Variants in PTPRD observed in about 807,000 individuals in gnomAD.
PTPRD encodes the protein protein tyrosine phosphatase receptor type D.
In PTPRD, 34 loss-of-function variants were observed where a neutral mutation model predicts 214.5. The observed-to-expected ratio is 0.16, with a 90% CI of 0.12 to 0.21. The LOEUF (loss-of-function observed/expected upper bound fraction) is 0.21. Among genes scored for constraint, PTPRD ranks in the 10% least tolerant of loss-of-function variants. The pLI is 1.00. For missense variants in PTPRD, 2,545 were observed against 2,398.7 expected, an observed-to-expected ratio of 1.06 and a Z score of -1.27; for synonymous variants, 1,128 against 845.7, an observed-to-expected ratio of 1.33 and a Z score of -5.79.
intron 8 of PTPRD, among the ~76,000 whole-genome samples, chr9:9,552,590 T>A (rs1241797193): frequency 6.6e-6 from 1 of 152,072 alleles, no homozygotes; most frequent in Admixed American, 6.6e-5. Context: ...TATAGCAAAC[T>A]TCTTCTGTCT....
chr9:9,607,947 G>A (rs961728398), intron 7 of PTPRD, among the ~76,000 whole-genome samples: 2 of 152,082 alleles, frequency 1.3e-5, no homozygotes, highest in African/African-American at 4.8e-5. Context: ...TTCGGATAAA[G>A]GGCAGCTTGG....
intron 8 of PTPRD, among the ~76,000 whole-genome samples, chr9:9,453,578 C>A (rs2092568230): frequency 1.3e-5 from 2 of 151,402 alleles, no homozygotes; most frequent in Admixed American, 1.3e-4. Context: ...TTGGTAATTA[C>A]CAACATGAAA....
At chr9:9,637,316 G>A (rs959183938) in intron 7 of PTPRD, among the ~76,000 whole-genome samples, 9 of 152,104 alleles carry the variant, frequency 5.9e-5, no homozygotes, top group Admixed American at 1.3e-4. Flanking sequence ...GGTGAGATTC[G>A]TATCGGGGCA....
At chr9:9,865,502 C>T (rs1369886640) in intron 5 of PTPRD, among the ~76,000 whole-genome samples, 2 of 152,124 alleles carry the variant, frequency 1.3e-5, no homozygotes, top group South Asian at 2.1e-4. Context: ...ACCACAGTGT[C>T]CCCACAAGCA....
intron 43 of PTPRD, among the ~76,000 whole-genome samples, chr9:8,332,979 C>A (rs763785942): frequency 2.0e-5 from 3 of 152,138 alleles, no homozygotes; most frequent in Non-Finnish European, 2.9e-5. Context: ...GGGACTCAAT[C>A]CTTTATCATT....
At chr9:8,605,870 C>G (rs1206859083) in intron 14 of PTPRD, among the ~76,000 whole-genome samples, 2 of 152,136 alleles carry the variant, frequency 1.3e-5, no homozygotes, top group Admixed American at 6.5e-5. Flanking sequence ...AGCCACCTCT[C>G]TGATACGATT....
At chr9:9,165,649 A>C (rs1219730075) in intron 10 of PTPRD, among the ~76,000 whole-genome samples, 1 of 152,206 alleles carries the variant, frequency 6.6e-6, no homozygotes, top group African/African-American at 2.4e-5. Flanking sequence ...AAGGATGTCA[A>C]CTATGACTCT....
intron 10 of PTPRD, among the ~76,000 whole-genome samples, chr9:9,181,407 A>T (rs2099928118): frequency 6.6e-6 from 1 of 151,850 alleles, no homozygotes; most frequent in South Asian, 2.1e-4. Flanking sequence ...GAACTGCTAA[A>T]ATATGCTGCC....
At chr9:8,373,854 G>C (rs199627123) in intron 39 of PTPRD, among the ~76,000 whole-genome samples, 24,427 of 128,810 alleles carry the variant, frequency 0.19, 4,233 homozygotes, top group African/African-American at 0.5. Flanking sequence ...GTATGTGTAT[G>C]TGTCTGTCTG....
At chr9:9,037,994 A>G in intron 10 of PTPRD, among the ~76,000 whole-genome samples, 1 of 152,188 alleles carries the variant, frequency 6.6e-6, no homozygotes, top group East Asian at 1.9e-4. Flanking sequence ...AATGAGAATA[A>G]CTTCACAGAG....
intron 5 of PTPRD, among the ~76,000 whole-genome samples, chr9:9,916,645 A>C (rs1251948953): frequency 6.6e-6 from 1 of 152,060 alleles, no homozygotes; most frequent in African/African-American, 2.4e-5. Flanking sequence ...GTGCAAACAG[A>C]AACCAAAAGC....
intron 39 of PTPRD, among the ~76,000 whole-genome samples, chr9:8,351,831 C>T (rs917604482): frequency 6.9e-6 from 1 of 144,012 alleles, no homozygotes; most frequent in Non-Finnish European, 1.5e-5. Flanking sequence ...AAATGTAGTA[C>T]ACTTGAGTGG....
chr9:9,731,465 T>G (rs984370813), intron 7 of PTPRD, among the ~76,000 whole-genome samples: 10 of 152,214 alleles, frequency 6.6e-5, no homozygotes, highest in Admixed American at 5.9e-4. Context: ...ATTTAAGGTT[T>G]TTTTTTAATT....
chr9:10,012,148 A>G (rs2096613478), intron 4 of PTPRD, among the ~76,000 whole-genome samples: 1 of 151,972 alleles, frequency 6.6e-6, no homozygotes, highest in Non-Finnish European at 1.5e-5. Flanking sequence ...GTTGTTTAAC[A>G]TTGTAAGACG....
chr9:10,312,206 C>T (rs1293291710), intron 3 of PTPRD, among the ~76,000 whole-genome samples: 1 of 151,964 alleles, frequency 6.6e-6, no homozygotes, highest in Non-Finnish European at 1.5e-5. Context: ...ACTGATTTTT[C>T]ATTACATACT....
At chr9:9,923,254 T>TTC (rs532465014) in intron 5 of PTPRD, among the ~76,000 whole-genome samples, 4,577 of 150,892 alleles carry the variant, frequency 0.03, 261 homozygotes, top group African/African-American at 0.11. Context: ...TGTTAGTTTT[T>TTC]TTTTTCAAAT....
intron 2 of PTPRD, among the ~76,000 whole-genome samples, chr9:10,368,164 T>C (rs1279854956): frequency 6.6e-6 from 1 of 152,122 alleles, no homozygotes; most frequent in Non-Finnish European, 1.5e-5. Context: ...CTTTAAAATA[T>C]GTAAGACAAA....
At chr9:9,677,771 G>C (rs1186967481) in intron 7 of PTPRD, among the ~76,000 whole-genome samples, 2 of 152,088 alleles carry the variant, frequency 1.3e-5, no homozygotes, top group African/African-American at 4.8e-5. Context: ...AAAAGAGGAA[G>C]TCAAATCGTC....
intron 3 of PTPRD, among the ~76,000 whole-genome samples, chr9:10,233,626 A>G (rs1451751419): frequency 6.6e-6 from 1 of 152,020 alleles, no homozygotes; most frequent in Non-Finnish European, 1.5e-5. Flanking sequence ...GCCAATTGCA[A>G]TCATGCTACT....
Sources: gnomAD v4.1 joint callset for allele counts (sites outside exome capture counted in the v4.1 genomes callset) on GRCh38, gnomAD v4.1.1 for gene constraint, MANE v1.5 for transcripts, NCBI Gene and HGNC (gene_info 2026-07-23, HGNC 2026-07-21) for gene names.